The following MAGEC3 variants were observed in gnomAD, a reference collection of about 807,000 sequenced individuals.
MAGEC3 encodes the protein melanoma-associated antigen C3.
MAGEC3 carries 34 observed loss-of-function variants against 35.3 expected under a neutral mutation model. The ratio of observed to expected loss-of-function variants is 0.96; its 90% CI spans 0.73 to 1.28. The LOEUF (loss-of-function observed/expected upper bound fraction) is 1.28. MAGEC3 is among the 50% of genes most tolerant of loss of function. The pLI is 0.00. For missense variants in MAGEC3, 561 were observed against 483.6 expected (o/e 1.16, Z -1.50); for synonymous variants, 202 against 185.6 (o/e 1.09, Z -0.72).
intron 1 of MAGEC3, among the ~76,000 whole-genome samples, chrX:141,851,041 A>G (rs1311074489): frequency 9.0e-6 from 1 of 111,231 alleles, no homozygotes; most frequent in African/African-American, 3.3e-5. Flanking sequence ...ATTCACCACA[A>G]ACTCATCCAA....
chrX:141,863,831 A>T (rs1198378801), intron 1 of MAGEC3, among the ~76,000 whole-genome samples: 1 of 112,000 alleles, frequency 8.9e-6, no homozygotes, highest in Non-Finnish European at 1.9e-5. Flanking sequence ...ATAAGAGATA[A>T]TGTGAAACAA....
At chrX:141,878,113 A>AT (rs1331462034) in intron 2 of MAGEC3, among the ~76,000 whole-genome samples, 1 of 112,074 alleles carries the variant, frequency 8.9e-6, no homozygotes, top group Non-Finnish European at 1.9e-5. Flanking sequence ...TTTTGAAAAC[A>AT]TTGACAGTTT....
chrX:141,843,115 A>G (rs2017695742), intron 1 of MAGEC3, among the ~76,000 whole-genome samples: 1 of 112,567 alleles, frequency 8.9e-6, no homozygotes, highest in African/African-American at 3.2e-5. Context: ...ACGCTTTATC[A>G]TGTAAATGAA....
At chrX:141,839,984 A>G (rs1444325220) in intron 1 of MAGEC3, 13 of 748,393 alleles carry the variant, frequency 1.7e-5, no homozygotes, top group African/African-American at 2.3e-5. Context: ...TGAGTTTAAC[A>G]TAATTTGCTC....
At chrX:141,877,492 A>T (rs1412245386) in intron 2 of MAGEC3, among the ~76,000 whole-genome samples, 1 of 111,776 alleles carries the variant, frequency 8.9e-6, no homozygotes, top group East Asian at 2.8e-4. Flanking sequence ...ATATTGAATA[A>T]ATTATCTTTA....
chrX:141,894,731 A>G (rs2018070740), intron 4 of MAGEC3: 1 of 967,417 alleles, frequency 1.0e-6, no homozygotes, highest in Non-Finnish European at 1.3e-6. Flanking sequence ...CTATCTCCCA[A>G]CACGGAGGGA....
intron 1 of MAGEC3, among the ~76,000 whole-genome samples, chrX:141,849,298 T>C (rs1008451666): frequency 1.8e-5 from 2 of 111,150 alleles, no homozygotes; most frequent in African/African-American, 6.5e-5. Flanking sequence ...AATTAAAAAT[T>C]TAAATGGAAG....
At chrX:141,878,456 A>C (rs575208840) in intron 2 of MAGEC3, among the ~76,000 whole-genome samples, 5 of 112,277 alleles carry the variant, frequency 4.5e-5, no homozygotes, top group Non-Finnish European at 9.4e-5. Context: ...TAACTGCAAG[A>C]CTCCCTGCCC....
intron 4 of MAGEC3, among the ~76,000 whole-genome samples, chrX:141,893,411 G>C (rs999779634): frequency 2.0e-4 from 22 of 111,148 alleles, no homozygotes; most frequent in African/African-American, 5.2e-4. Context: ...GTTGGGGCAA[G>C]GGGGATTGAT....
At chrX:141,884,384 G>A (rs1028078648) in intron 4 of MAGEC3, among the ~76,000 whole-genome samples, 4 of 111,664 alleles carry the variant, frequency 3.6e-5, no homozygotes, top group Admixed American at 9.5e-5. Context: ...ATTGGGACTC[G>A]GACTGGCTTC....
intron 4 of MAGEC3, among the ~76,000 whole-genome samples, chrX:141,892,358 A>C: frequency 8.9e-6 from 1 of 112,016 alleles, no homozygotes; most frequent in East Asian, 2.8e-4. Context: ...ACAGACAAAT[A>C]TATGTTTATC....
At chrX:141,858,361 C>T (rs918054963) in intron 1 of MAGEC3, among the ~76,000 whole-genome samples, 1 of 110,445 alleles carries the variant, frequency 9.1e-6, no homozygotes, top group Non-Finnish European at 1.9e-5. Flanking sequence ...TGCTCAAATC[C>T]ACATGGAATT....
At chrX:141,885,087 C>G (rs933419118) in intron 4 of MAGEC3, among the ~76,000 whole-genome samples, 14 of 111,839 alleles carry the variant, frequency 1.3e-4, no homozygotes, top group African/African-American at 4.6e-4. Context: ...AGGACCCACC[C>G]CCAAAATCCC....
At chrX:141,880,421 G>C (rs1373031046) in intron 3 of MAGEC3, 1 of 133,396 alleles carries the variant, frequency 7.5e-6, no homozygotes, top group Non-Finnish European at 1.5e-5. Context: ...GGCTCTGGGA[G>C]TCTGGTCAGC....
intron 2 of MAGEC3, among the ~76,000 whole-genome samples, chrX:141,877,385 G>T (rs5953635): frequency 0.058 from 6,472 of 111,088 alleles, 484 homozygotes; most frequent in African/African-American, 0.2. Flanking sequence ...AAATTATATA[G>T]TCTTTACTTT....
At chrX:141,868,777 T>C (rs1420699177) in intron 2 of MAGEC3, among the ~76,000 whole-genome samples, 3 of 111,277 alleles carry the variant, frequency 2.7e-5, no homozygotes, top group African/African-American at 6.5e-5. Flanking sequence ...ACAGGGACTG[T>C]GTACACAAAA....
chrX:141,866,013 T>A (rs1007260319), intron 2 of MAGEC3, among the ~76,000 whole-genome samples: 6 of 111,122 alleles, frequency 5.4e-5, no homozygotes, highest in Admixed American at 3.8e-4. Context: ...GAAGCCAGCC[T>A]CAAGTCAGCA....
chrX:141,861,325 A>G (rs192505219), intron 1 of MAGEC3, among the ~76,000 whole-genome samples: 2 of 111,765 alleles, frequency 1.8e-5, no homozygotes, highest in Non-Finnish European at 3.8e-5. Context: ...CTCATGCACC[A>G]GAAGAATTAA....
chrX:141,886,622 A>G (rs1266503506), intron 4 of MAGEC3, among the ~76,000 whole-genome samples: 1 of 111,007 alleles, frequency 9.0e-6, no homozygotes, highest in African/African-American at 3.3e-5. Flanking sequence ...TATTTAGCTC[A>G]GCTTGGACTT....
Sources: allele counts gnomAD v4.1 joint callset (sites outside exome capture counted in the v4.1 genomes callset), GRCh38; gene constraint gnomAD v4.1.1; transcripts MANE v1.5; gene names NCBI Gene and HGNC (gene_info 2026-07-23, HGNC 2026-07-21).